CELF6: variants seen among roughly 807,000 people sequenced by gnomAD.
CELF6 encodes the protein Bruno -like 6, RNA binding protein.
CELF6 carries 32 observed loss-of-function variants against 53.1 expected under a neutral mutation model. That is an observed-to-expected ratio of 0.60 (90% CI 0.46 to 0.81). CELF6 has a LOEUF of 0.81. Among genes scored for constraint, CELF6 ranks in the 30% least tolerant of loss-of-function variants. CELF6 has a pLI of 0.00. For synonymous variants in CELF6, 291 were observed against 288.8 expected (o/e 1.01, Z -0.08); for missense variants, 539 against 669.5 (o/e 0.81, Z 2.15).
chr15:72,288,761 G>A lies in CELF6; in HGVS notation c.1093+107C>T. 3.0e-6 allele frequency: 4 copies of A among 1,349,136 alleles called. No homozygotes were observed. The highest frequency in any genetic ancestry group is 4.2e-6 in the Non-Finnish European group (4 of 961,626). The allele number at this position is 1,349,136 out of a possible 1,614,324, so 83.6% of individuals were successfully genotyped here. A position where few individuals can be genotyped will look rare whatever the true frequency, so the allele number is the denominator to read the frequency against. On this transcript the variant is annotated intron_variant, in intron 9 of 12. Transcript: ENST00000287202. The surrounding 1 kb of genome is among the most constrained non-coding windows in gnomAD (Gnocchi z 4.6). ...AGAGGTCGTTCTGGGGGTAGGAGGG[G>A]ATGGGAGGATCAACTCCTTGGAACA...
chr15:72,316,503 T>C (rs1207138115), intron 1 of CELF6, among the ~76,000 whole-genome samples: 1 of 152,172 alleles, frequency 6.6e-6, no homozygotes, highest in Non-Finnish European at 1.5e-5. Context: ...GGGCTTCCCA[T>C]AGGTGGGAGT....
chr15:72,312,320 G>A (rs1232677448), intron 2 of CELF6, among the ~76,000 whole-genome samples: 1 of 152,130 alleles, frequency 6.6e-6, no homozygotes, highest in Non-Finnish European at 1.5e-5. Flanking sequence ...GAAGGTCTTA[G>A]TCAATCAGAA....
At position 72,288,078 on chromosome 15, in the gene CELF6, T is replaced by G. The variant is rs1422374117; in HGVS notation, c.1318+230A>C. The stretch of plus-strand genomic sequence containing the variant: ...GTCCCAAACTCCTGACCTCAAGTGA[T>G]TCACCTGCCCTGGCCTCCCAAAGTG... On this transcript the variant is annotated intron_variant, in intron 11 of 12. Transcript: ENST00000287202. The surrounding 1 kb of genome is among the most constrained non-coding windows in gnomAD (Gnocchi z 4.6). Among the ~76,000 whole-genome samples, 2 of 152,168 alleles carry G rather than the reference T, an allele frequency of 1.3e-5. No individual in the cohort carries two copies. Among genetic ancestry groups the G allele is most frequent in the African/African-American group, 4.8e-5 (2 of 41,446 alleles).
intron 3 of CELF6, chr15:72,292,094 T>C: frequency 1.4e-6 from 1 of 691,906 alleles, no homozygotes; most frequent in Non-Finnish European, 2.4e-6. Context: ...AAAATAGAAC[T>C]GCTGTGACTG....
At chr15:72,311,235 A>T (rs995267868) in intron 2 of CELF6, among the ~76,000 whole-genome samples, 1 of 148,750 alleles carries the variant, frequency 6.7e-6, no homozygotes, top group Non-Finnish European at 1.5e-5. Context: ...TCCTGACCTC[A>T]AGTGATCCGC....
chr15:72,319,387 AT>A lies in CELF6; in HGVS notation c.262+225del, dbSNP rs1427937127. On this transcript the variant is annotated intron_variant, in intron 1 of 12. Coordinates refer to ENST00000287202, the MANE Select transcript of CELF6 (RefSeq NM_052840.5). The surrounding 1 kb of genome is among the most constrained non-coding windows in gnomAD (Gnocchi z 5.0). Reference sequence around the variant, plus strand: ...GGGATGTGAGAGGTGGAGGCCAGGAATTTGGAGGTTAGAGTGGAGAACATGT... The same window carrying A: ...GGGATGTGAGAGGTGGAGGCCAGGAATTGGAGGTTAGAGTGGAGAACATGT... 6.6e-6 allele frequency among the ~76,000 whole-genome samples: 1 copy of A among 152,106 alleles called. No individual in the cohort carries two copies. Among genetic ancestry groups the A allele is most frequent in the East Asian group, 1.9e-4 (1 of 5,196 alleles).
chr15:72,289,132 G>T lies in CELF6; in HGVS notation c.1030+6C>A. The T allele has an allele frequency of 6.6e-7, 1 of 1,520,548 alleles. No individual in the cohort carries two copies. The highest frequency in any genetic ancestry group is 8.8e-7 in the Non-Finnish European group (1 of 1,141,832). 94.2% of individuals were successfully genotyped at this position (1,520,548 alleles called of 1,614,324 possible). A position where few individuals can be genotyped will look rare whatever the true frequency, so the allele number is the denominator to read the frequency against. ...CGGGGGGATTTGGGCGGAGCGGGGG[G>T]CCCACCTGGATAAGGGGAGAGCCCG... On this transcript the variant is annotated splice_donor_region_variant and intron_variant, in intron 8 of 12. Transcript: ENST00000287202. The surrounding 1 kb of genome is among the most constrained non-coding windows in gnomAD (Gnocchi z 7.6).
chr15:72,289,004 G>T lies in CELF6; in HGVS notation c.1031-74C>A. ...AGAGTGGGTGAGAAGCTCAGGGAGT[G>T]TGGGAGGTGGACGGCGGCTGTGAGA... On this transcript the variant is annotated intron_variant, in intron 8 of 12. Transcript: ENST00000287202. The surrounding 1 kb of genome is among the most constrained non-coding windows in gnomAD (Gnocchi z 7.6). 7.1e-7 allele frequency: 1 copy of T among 1,403,276 alleles called. No individual in the cohort carries two copies. Among genetic ancestry groups the T allele is most frequent in the Non-Finnish European group, 9.8e-7 (1 of 1,024,464 alleles). The allele number at this position is 1,403,276 out of a possible 1,614,324, so 86.9% of individuals were successfully genotyped here.
intron 2 of CELF6, among the ~76,000 whole-genome samples, chr15:72,308,607 C>T (rs62022817): frequency 8.5e-5 from 13 of 152,098 alleles, no homozygotes; most frequent in Admixed American, 1.3e-4. Context: ...CTGTGAAAAC[C>T]GCATCAAGGA....
chr15:72,304,862 A>T, intron 2 of CELF6, 68 bp from the exon 3 acceptor site: 1 of 1,435,852 alleles, frequency 7.0e-7, no homozygotes, highest in Non-Finnish European at 9.8e-7. Flanking sequence ...CAGCTTCTCG[A>T]ACCCTGGACT....
intron 2 of CELF6, among the ~76,000 whole-genome samples, chr15:72,311,777 A>G (rs1412312620): frequency 6.6e-6 from 1 of 152,226 alleles, no homozygotes; most frequent in African/African-American, 2.4e-5. Flanking sequence ...TAGCACATAC[A>G]GTGCCTTTCT....
Position 72,287,275 on chromosome 15 carries a change from C to T in CELF6, c.1436G>A (p.Arg479Gln), listed in dbSNP as rs1414471861. Residue 479 changes from arginine (R) to glutamine (Q), a missense_variant, in exon 12 of 13, where the codon CGG becomes CAG. By Grantham distance (43) the Arg-to-Gln change is conservative. Around this residue, in one of 3 missense-constraint regions of CELF6, gnomAD observed 358 missense variants for 412.8 expected, o/e 0.87. Transcript: ENST00000287202. Reference sequence around the variant, plus strand: ...GTCAGTGAAAGCAGGTCAGTAAGGCCGGTTGGCATCCTTGGGCCGCTTTAG... The same window carrying T: ...GTCAGTGAAAGCAGGTCAGTAAGGCTGGTTGGCATCCTTGGGCCGCTTTAG... ...VQLKRPKDAN[R>Q]PY 1.2e-5 allele frequency: 20 copies of T among 1,613,978 alleles called. No homozygotes were observed. Among genetic ancestry groups the T allele is most frequent in the East Asian group, 2.2e-5 (1 of 44,890 alleles).
intron 3 of CELF6, among the ~76,000 whole-genome samples, 188 bp from the exon 4 acceptor site, chr15:72,290,443 G>A (rs1053656778): frequency 1.3e-5 from 2 of 152,200 alleles, no homozygotes; most frequent in Admixed American, 6.5e-5. Context: ...GGAGAAGGGA[G>A]CTCAGCTCAG....
chr15:72,287,283 A>G lies in CELF6; in HGVS notation c.1428T>C (p.Asp476=). ...AAGCAGGTCAGTAAGGCCGGTTGGC[A>G]TCCTTGGGCCGCTTTAGCTGGACCT... ...RLKVQLKRPK[D]ANRPY Residue 476 remains aspartate, a synonymous_variant, in exon 12 of 13, where the codon GAT becomes GAC. Transcript: ENST00000287202. 6.2e-7 allele frequency: 1 copy of G among 1,614,116 alleles called. No individual in the cohort carries two copies.
At chr15:72,292,280 A>G in intron 3 of CELF6, 1 of 1,526,342 alleles carries the variant, frequency 6.6e-7, no homozygotes, top group African/African-American at 1.4e-5. Flanking sequence ...GAAGACAGGA[A>G]AGGTCTTTCA....
chr15:72,288,867 C>A lies in CELF6; in HGVS notation c.1093+1G>T. 1 of 1,550,926 alleles carries A rather than the reference C, an allele frequency of 6.4e-7. No homozygotes were observed. Among genetic ancestry groups the A allele is most frequent in the African/African-American group, 1.4e-5 (1 of 73,192 alleles). ...CCAGGCCGCGTAGCGCCAAGTGAAA[C>A]CTGCGTAGTGGTGCATCCCAGCGTA... is the stretch of plus-strand genomic sequence containing the variant. On this transcript the variant is annotated splice_donor_variant, in intron 9 of 12. Coordinates refer to ENST00000287202, the MANE Select transcript of CELF6 (RefSeq NM_052840.5). LOFTEE classifies it high-confidence loss of function. This position sits in a 1 kb window ranked among gnomAD's most constrained non-coding sequence, Gnocchi z 4.6.
chr15:72,311,878 C>T (rs141890418), intron 2 of CELF6, among the ~76,000 whole-genome samples: 1 of 152,358 alleles, frequency 6.6e-6, no homozygotes, highest in Non-Finnish European at 1.5e-5. Context: ...AAATAATGTG[C>T]ATGACTTAGT....
At chr15:72,287,838 CTTT>C (rs546834252) in intron 11 of CELF6, among the ~76,000 whole-genome samples, 2 of 141,996 alleles carry the variant, frequency 1.4e-5, no homozygotes. Context: ...AAAGCTCGTT[CTTT>C]TTTTTTTTTT....
Position 72,289,452 on chromosome 15 carries a change from G to C in CELF6, c.803C>G (p.Pro268Arg), listed in dbSNP as rs1455358339. The part of the protein sequence containing the change: ...LAAAQGPGLG[P>R]VAAVAAQMQH... ...CATCTGGGCCGCCACTGCCGCCACC[G>C]GGCCTAGGCCTGGGCCCTGTGCCGC... Residue 268 changes from proline to arginine, a missense_variant, in exon 7 of 13, where the codon CCG (proline) becomes CGG (arginine). Transcript: ENST00000287202. This position sits in a 1 kb window ranked among gnomAD's most constrained non-coding sequence, Gnocchi z 7.6. The C allele has an allele frequency of 5.2e-6, 8 of 1,540,604 alleles. No individual in the cohort carries two copies. The highest frequency in any genetic ancestry group is 3.6e-5 in the South Asian group (3 of 84,428).
Sources: gnomAD v4.1 joint callset for allele counts (sites outside exome capture counted in the v4.1 genomes callset) on GRCh38, gnomAD v4.1.1 for gene constraint, gnomAD v4.1.1 regional missense constraint, Gnocchi (gnomAD v3.1) non-coding constraint, MANE v1.5 for transcripts, NCBI Gene and HGNC (gene_info 2026-07-23, HGNC 2026-07-21) for gene names.